Variants in SCOC observed in about 807,000 individuals in gnomAD.
The protein encoded by SCOC is short coiled-coil protein, also known as short coiled coil protein.
SCOC carries 7 observed loss-of-function variants against 9.9 expected under a neutral mutation model. The ratio of observed to expected loss-of-function variants is 0.71; its 90% CI spans 0.40 to 1.33. The LOEUF (loss-of-function observed/expected upper bound fraction) is 1.33, where lower values mean the gene tolerates loss of function less well. Ranked by LOEUF, SCOC falls within the 40% of genes most tolerant of loss-of-function variation. The pLI is 0.01. For missense variants in SCOC, 66 were observed against 89.7 expected, an observed-to-expected ratio of 0.74 and a Z score of 1.07; for synonymous variants, 19 against 28.2, an observed-to-expected ratio of 0.67 and a Z score of 1.03.
chr4:140,300,286 C>T (rs775838829), intron 1 of SCOC, among the ~76,000 whole-genome samples: 7 of 152,190 alleles, frequency 4.6e-5, no homozygotes, highest in Non-Finnish European at 1.0e-4. Flanking sequence ...TCTGGCCTCC[C>T]TCACTTCCTC....
At chr4:140,310,176 A>G (rs1732109658) in intron 1 of SCOC, among the ~76,000 whole-genome samples, 1 of 152,226 alleles carries the variant, frequency 6.6e-6, no homozygotes, top group East Asian at 1.9e-4. Flanking sequence ...TCACATGAAA[A>G]TCCAAATCTG....
upstream of SCOC, among the ~76,000 whole-genome samples, chr4:140,372,575 T>C (rs1356838989): frequency 3.3e-5 from 5 of 152,232 alleles, no homozygotes; most frequent in Non-Finnish European, 7.3e-5. Context: ...CATTGCATTC[T>C]AGTAAATTTC....
intron 2 of SCOC, among the ~76,000 whole-genome samples, chr4:140,349,444 G>A (rs1560713445): frequency 6.6e-6 from 1 of 152,140 alleles, no homozygotes; most frequent in South Asian, 2.1e-4. Flanking sequence ...AGATGTGACT[G>A]CAGAGGAAAC....
intron 1 of SCOC, among the ~76,000 whole-genome samples, chr4:140,277,562 G>C (rs1000462018): frequency 1.3e-5 from 2 of 152,130 alleles, no homozygotes; most frequent in Non-Finnish European, 2.9e-5. Context: ...TTCTACTTCT[G>C]GTGGAAAAGG....
At chr4:140,313,383 C>A (rs6844346) in intron 1 of SCOC, among the ~76,000 whole-genome samples, 22,887 of 152,084 alleles carry the variant, frequency 0.15, 2,325 homozygotes, top group East Asian at 0.35. Flanking sequence ...TCCTGAGGAA[C>A]TGGGATCATA....
chr4:140,281,670 G>A lies in SCOC; in HGVS notation c.-19+24260G>A, dbSNP rs553504142. Among the ~76,000 whole-genome samples the A allele has an allele frequency of 3.3e-5, 5 of 152,274 alleles. No homozygotes were observed. In the East Asian group the frequency reaches 5.8e-4, roughly 18 times the overall value. ...TGCTGGGGAGCAGGTGGCCTCCCCCGTATCTCCAACTCAGGACCACCTGGG... is the reference window on the plus strand; with the variant it reads ...TGCTGGGGAGCAGGTGGCCTCCCCCATATCTCCAACTCAGGACCACCTGGG... On this transcript the variant is annotated intron_variant, in intron 1 of 4. Coordinates refer to the SCOC transcript ENST00000394205.
intron 1 of SCOC, among the ~76,000 whole-genome samples, chr4:140,270,310 G>C (rs533914862): frequency 6.6e-6 from 1 of 152,074 alleles, no homozygotes; most frequent in South Asian, 2.1e-4. Context: ...CTTGGAATTT[G>C]TTAGGGTTAT....
At chr4:140,322,434 G>A (rs1588615) in intron 1 of SCOC, among the ~76,000 whole-genome samples, 54,431 of 151,954 alleles carry the variant, frequency 0.36, 12,284 homozygotes, top group African/African-American at 0.64. Context: ...TATGGACAGT[G>A]AAGGACATTC....
At position 140,379,653 on chromosome 4, in the gene SCOC, G is replaced by A; in HGVS notation, c.106+1G>A. The A allele has an allele frequency of 6.2e-7, 1 of 1,601,410 alleles. No homozygotes were observed. The highest frequency in any genetic ancestry group is 8.5e-7 in the Non-Finnish European group (1 of 1,173,616). On this transcript the variant is annotated splice_donor_variant, in intron 3 of 3. Transcript: ENST00000608372. LOFTEE classifies it high-confidence loss of function. The stretch of plus-strand genomic sequence containing the variant: ...TTGGAACTCCAACACACACTTGAAG[G>A]TTGGCTTGCATTTTGTAGTTTATTT...
intron 1 of SCOC, among the ~76,000 whole-genome samples, chr4:140,320,005 G>A (rs1462587785): frequency 6.6e-6 from 1 of 152,124 alleles, no homozygotes. Flanking sequence ...CATTTGAACC[G>A]GAGCAACTCC....
intron 1 of SCOC, among the ~76,000 whole-genome samples, chr4:140,334,280 G>T (rs997907706): frequency 1.3e-5 from 2 of 152,124 alleles, no homozygotes; most frequent in African/African-American, 4.8e-5. Flanking sequence ...TATTGCTGAT[G>T]CTGAAGAATC....
intron 2 of SCOC, among the ~76,000 whole-genome samples, chr4:140,352,099 C>T (rs989905067): frequency 1.3e-5 from 2 of 152,158 alleles, no homozygotes; most frequent in Non-Finnish European, 2.9e-5. Context: ...GCTGGCTGAG[C>T]GTGTTCTGGT....
At chr4:140,375,678 A>C (rs1430776103) in intron 1 of SCOC, among the ~76,000 whole-genome samples, 2 of 152,252 alleles carry the variant, frequency 1.3e-5, no homozygotes, top group Non-Finnish European at 2.9e-5. Context: ...AATGTTTGCC[A>C]CATTTCCTGG....
chr4:140,339,856 C>T (rs923410301), upstream of SCOC, among the ~76,000 whole-genome samples: 2 of 152,156 alleles, frequency 1.3e-5, no homozygotes, highest in Admixed American at 6.6e-5. Flanking sequence ...GTTGGTGGGA[C>T]TGCAAACTAG....
chr4:140,317,163 G>A (rs575249133), intron 1 of SCOC, among the ~76,000 whole-genome samples: 8 of 152,236 alleles, frequency 5.3e-5, no homozygotes. Flanking sequence ...AGATGGCTTA[G>A]GGGTGTTGTT....
rs1251769230 is a variant in SCOC at position 140,381,718 on chromosome 4, A to G, written c.*614A>G. On this transcript the variant is annotated 3_prime_UTR_variant, in exon 4 of 4. Coordinates refer to ENST00000608372, the MANE Select transcript of SCOC (RefSeq NM_001153484.2). ...AGGAATGCTAGTGTCTCTTTAATTA[A>G]TTGGAAATAGATGGAGGCTAAAAAT... The G allele has an allele frequency of 6.6e-6, 1 of 152,206 alleles. No homozygotes were observed. The highest frequency in any genetic ancestry group is 1.5e-5 in the Non-Finnish European group (1 of 68,030). The allele number at this position is 152,206 out of a possible 1,614,324, so 9.4% of individuals were successfully genotyped here. A position where few individuals can be genotyped will look rare whatever the true frequency, so the allele number is the denominator to read the frequency against.
chr4:140,348,342 T>C (rs1351274925), intron 2 of SCOC, among the ~76,000 whole-genome samples: 1 of 152,196 alleles, frequency 6.6e-6, no homozygotes, highest in Non-Finnish European at 1.5e-5. Context: ...TAATCATCAT[T>C]GTACTGTCTG....
In SCOC at chr4:140,317,295, G is replaced by A. The variant is rs541962362; in HGVS notation, c.-18-26326G>A. ...AAGAAGAAGTAAAAACTAAAAGGCA[G>A]AAATGGAATCTACAGGCAGATAGCA... On this transcript the variant is annotated intron_variant, in intron 1 of 4. Transcript: ENST00000394205. Among the ~76,000 whole-genome samples the A allele has an allele frequency of 8.7e-4, 132 of 152,290 alleles. 1 individual carries two copies. Among genetic ancestry groups the A allele is most frequent in the African/African-American group, 3.0e-3 (125 of 41,538 alleles).
chr4:140,304,843 G>A (rs1005377645), intron 1 of SCOC, among the ~76,000 whole-genome samples: 3 of 152,158 alleles, frequency 2.0e-5, no homozygotes, highest in African/African-American at 4.8e-5. Context: ...TCCTGATCCA[G>A]AACCGATTTG....
Sources: gnomAD v4.1 joint callset for allele counts (sites outside exome capture counted in the v4.1 genomes callset) on GRCh38, gnomAD v4.1.1 for gene constraint, MANE v1.5 for transcripts, NCBI Gene and HGNC (gene_info 2026-07-23, HGNC 2026-07-21) for gene names.